Variants in STPG2 observed in about 807,000 individuals in gnomAD.
STPG2 encodes sperm tail PG-rich repeat containing 2.
STPG2 carries 56 observed loss-of-function variants against 54.2 expected under a neutral mutation model. The ratio of observed to expected loss-of-function variants is 1.03; its 90% CI spans 0.83 to 1.29. The LOEUF (loss-of-function observed/expected upper bound fraction) is 1.29. Among genes scored for constraint, STPG2 ranks in the 50% most tolerant of loss-of-function variants. The probability of loss-of-function intolerance (pLI) is 0.00; values close to 1 mark genes in which losing one functional copy is unlikely to be tolerated. For synonymous variants in STPG2, 200 were observed against 181.8 expected, an observed-to-expected ratio of 1.10 and a Z score of -0.81; for missense variants, 596 against 544.9, an observed-to-expected ratio of 1.09 and a Z score of -0.93.
rs1018619695 is a variant in STPG2 at position 97,705,031 on chromosome 4, G to C, written c.1320+7668C>G. Among the ~76,000 whole-genome samples the C allele has an allele frequency of 2.0e-5, 3 of 152,020 alleles. No homozygotes were observed. The East Asian group carries it at 5.8e-4, about 29-fold the overall frequency. ...ATATATAACACTATAATTCTACTCA[G>C]AAATCTTTGGTGTCTATAGCTCAGA... On this transcript the variant is annotated intron_variant, in intron 10 of 10. Coordinates refer to ENST00000295268, the MANE Select transcript of STPG2 (RefSeq NM_174952.3).
chr4:97,885,702 T>C (rs1251471804), intron 8 of STPG2, among the ~76,000 whole-genome samples: 1 of 152,074 alleles, frequency 6.6e-6, no homozygotes, highest in African/African-American at 2.4e-5. Context: ...ACAAATACAA[T>C]GGGCCAGCAT....
chr4:97,958,836 A>T (rs1211272603), intron 7 of STPG2, among the ~76,000 whole-genome samples: 1 of 152,190 alleles, frequency 6.6e-6, no homozygotes, highest in East Asian at 1.9e-4. Context: ...GTCAACAAAG[A>T]AACAATGGAT....
At chr4:97,635,182 T>C (rs1467406682) in intron 10 of STPG2, among the ~76,000 whole-genome samples, 1 of 152,058 alleles carries the variant, frequency 6.6e-6, no homozygotes, top group Non-Finnish European at 1.5e-5. Flanking sequence ...TGGGGACCAA[T>C]ATTCAACATT....
intron 4 of STPG2, among the ~76,000 whole-genome samples, chr4:97,531,891 G>A (rs1395696514): frequency 6.6e-6 from 1 of 152,134 alleles, no homozygotes; most frequent in Non-Finnish European, 1.5e-5. Context: ...TGTAACAGAA[G>A]GATAGATGCT....
intron 10 of STPG2, among the ~76,000 whole-genome samples, chr4:97,619,999 AT>A (rs1553943429): frequency 1.3e-5 from 2 of 151,348 alleles, no homozygotes; most frequent in East Asian, 2.0e-4. Flanking sequence ...AATTTTTTGT[AT>A]TTTTTAGTAG....
At chr4:98,026,537 C>CTGTG (rs1173143266) in intron 5 of STPG2, among the ~76,000 whole-genome samples, 1 of 152,130 alleles carries the variant, frequency 6.6e-6, no homozygotes, top group African/African-American at 2.4e-5. Context: ...TTTCTTCCTT[C>CTGTG]TGTGGTGTGC....
chr4:97,813,863 T>C (rs1436179451), intron 9 of STPG2, among the ~76,000 whole-genome samples: 1 of 151,874 alleles, frequency 6.6e-6, no homozygotes, highest in African/African-American at 2.4e-5. Flanking sequence ...GCTCTGAAAA[T>C]TGAGAATCCT....
intron 6 of STPG2, among the ~76,000 whole-genome samples, chr4:97,978,764 T>C (rs1266789305): frequency 6.6e-6 from 1 of 152,124 alleles, no homozygotes; most frequent in Non-Finnish European, 1.5e-5. Flanking sequence ...AAATAAACTG[T>C]TTTTCATCCC....
At chr4:97,781,053 C>G in intron 9 of STPG2, among the ~76,000 whole-genome samples, 1 of 151,962 alleles carries the variant, frequency 6.6e-6, no homozygotes, top group East Asian at 1.9e-4. Flanking sequence ...CATTCAAAAG[C>G]TAGCAGAAGG....
chr4:97,747,071 A>G (rs978811259), intron 9 of STPG2, among the ~76,000 whole-genome samples: 2 of 151,092 alleles, frequency 1.3e-5, no homozygotes, highest in African/African-American at 4.8e-5. Context: ...TAGGTTTCAT[A>G]GTTAAAGTAG....
In STPG2 at chr4:98,038,793, C is replaced by T. The variant is rs541484822; in HGVS notation, c.613-57475G>A. Among the ~76,000 whole-genome samples, 27 of 152,086 alleles carry T rather than the reference C, an allele frequency of 1.8e-4. No homozygotes were observed. In the South Asian group the frequency reaches 5.6e-3, roughly 31 times the overall value. On this transcript the variant is annotated intron_variant, in intron 5 of 10. Transcript: ENST00000295268. ...GAAAATATTAAACACATCTAAAAGA[C>T]ATTAGGACTGGTATCCAGAATACAT... is the stretch of plus-strand genomic sequence containing the variant.
chr4:98,020,933 C>T (rs963370135), intron 5 of STPG2, among the ~76,000 whole-genome samples: 5 of 152,004 alleles, frequency 3.3e-5, no homozygotes, highest in African/African-American at 7.2e-5. Context: ...GTCTTGCTAG[C>T]AGTCTATCAG....
At chr4:97,636,605 A>G (rs1381336385) in intron 10 of STPG2, among the ~76,000 whole-genome samples, 1 of 150,922 alleles carries the variant, frequency 6.6e-6, no homozygotes, top group African/African-American at 2.4e-5. Context: ...CAAGACTAAT[A>G]AAGAAAAAAA....
At chr4:98,104,089 T>A (rs1407285409) in intron 5 of STPG2, among the ~76,000 whole-genome samples, 1 of 152,150 alleles carries the variant, frequency 6.6e-6, no homozygotes, top group Admixed American at 6.6e-5. Flanking sequence ...TTTTAAATCA[T>A]CCCTGCCTTT....
chr4:97,734,974 G>A (rs1048930774), intron 9 of STPG2, among the ~76,000 whole-genome samples: 3 of 151,832 alleles, frequency 2.0e-5, no homozygotes, highest in Non-Finnish European at 2.9e-5. Context: ...TCAGGAGGCT[G>A]AGGCAGGAGA....
chr4:97,823,449 AT>A (rs1423620243), intron 9 of STPG2, among the ~76,000 whole-genome samples: 8 of 152,200 alleles, frequency 5.3e-5, no homozygotes, highest in African/African-American at 1.9e-4. Context: ...TTTACTAAAT[AT>A]TTTAAGCCTG....
chr4:97,944,379 T>C (rs1245903814), intron 7 of STPG2, among the ~76,000 whole-genome samples: 1 of 151,844 alleles, frequency 6.6e-6, no homozygotes, highest in Non-Finnish European at 1.5e-5. Flanking sequence ...TAAAAATATA[T>C]TTACATTTAA....
intron 9 of STPG2, among the ~76,000 whole-genome samples, chr4:97,768,418 T>C (rs1350196187): frequency 1.3e-5 from 2 of 152,100 alleles, no homozygotes; most frequent in African/African-American, 4.8e-5. Context: ...CAGAAACAAA[T>C]ATTTTATTGG....
At chr4:98,136,454 T>C (rs1019255303) in intron 1 of STPG2, among the ~76,000 whole-genome samples, 1 of 151,676 alleles carries the variant, frequency 6.6e-6, no homozygotes, top group Non-Finnish European at 1.5e-5. Context: ...TATTTTATAA[T>C]AAAATGTTGA....
Sources: allele counts gnomAD v4.1 joint callset (sites outside exome capture counted in the v4.1 genomes callset), GRCh38; gene constraint gnomAD v4.1.1; transcripts MANE v1.5; gene names NCBI Gene and HGNC (gene_info 2026-07-23, HGNC 2026-07-21).